Variants in DRD2 observed in about 807,000 individuals in gnomAD.
The protein encoded by DRD2 is dopamine receptor D2, also known as D(2) dopamine receptor.
Under a neutral mutation model 38.0 loss-of-function variants are expected in DRD2, and 8 were observed. The observed-to-expected ratio is 0.21, with a 90% CI of 0.12 to 0.38. The LOEUF (loss-of-function observed/expected upper bound fraction) is 0.38, where lower values mean the gene tolerates loss of function less well. DRD2 is among the 10% of genes least tolerant of loss of function. The pLI, the probability that DRD2 is intolerant of heterozygous loss-of-function variation, is 1.00. For synonymous variants in DRD2, 230 were observed against 238.6 expected, an observed-to-expected ratio of 0.96 and a Z score of 0.33; for missense variants, 403 against 607.7, an observed-to-expected ratio of 0.66 and a Z score of 3.54.
rs182611407 is a variant in DRD2, at chr11:113,413,259, T to C, written c.811-376A>G. Reference sequence around the variant, plus strand: ...TTGGCCCTGCCTCCAGAAACTCATGTTCCGACTGCAAAGAGGGTGCCCACC... The same window carrying C: ...TTGGCCCTGCCTCCAGAAACTCATGCTCCGACTGCAAAGAGGGTGCCCACC... On this transcript the variant is annotated intron_variant, in intron 6 of 7. Coordinates refer to ENST00000362072, the MANE Select transcript of DRD2 (RefSeq NM_000795.4). The C allele has an allele frequency of 1.1e-3, 620 of 582,384 alleles. 4 individuals carry two copies. The Admixed American group carries it at 0.012, about 11-fold the overall frequency. The allele number at this position is 582,384 out of a possible 1,614,324, so 36.1% of individuals were successfully genotyped here. A position where few individuals can be genotyped will look rare whatever the true frequency, so the allele number is the denominator to read the frequency against.
chr11:113,413,398 G>C, intron 6 of DRD2: 1 of 518,168 alleles, frequency 1.9e-6, no homozygotes, highest in Non-Finnish European at 3.8e-6. Context: ...GTGCCAAAAG[G>C]CTGACCCCTG....
At chr11:113,448,708 G>T (rs563220194) in intron 1 of DRD2, among the ~76,000 whole-genome samples, 20 of 152,128 alleles carry the variant, frequency 1.3e-4, no homozygotes, top group Non-Finnish European at 2.8e-4. Flanking sequence ...TTCCGAGAGG[G>T]GACTGGGGTC....
chr11:113,467,337 A>T (rs748863245), intron 1 of DRD2, among the ~76,000 whole-genome samples: 2 of 152,186 alleles, frequency 1.3e-5, no homozygotes, highest in Non-Finnish European at 1.5e-5. Context: ...TAGACCAAGA[A>T]AAAGGCCAAC....
chr11:113,474,390 C>T (rs1371281091), intron 1 of DRD2: 1 of 152,250 alleles, frequency 6.6e-6, no homozygotes, highest in Non-Finnish European at 1.5e-5. Context: ...GGTCACCCTC[C>T]GCTACTGCCG....
chr11:113,448,542 T>TG (rs1378721346), intron 1 of DRD2, among the ~76,000 whole-genome samples: 1 of 152,252 alleles, frequency 6.6e-6, no homozygotes, highest in Non-Finnish European at 1.5e-5. Context: ...GATGCTCTCT[T>TG]GACAGCAGTA....
At chr11:113,426,456 T>G (rs1950942351) in intron 1 of DRD2, among the ~76,000 whole-genome samples, 1 of 152,180 alleles carries the variant, frequency 6.6e-6, no homozygotes, top group South Asian at 2.1e-4. Flanking sequence ...TTATCAGCAT[T>G]CCAAGGTGTT....
In DRD2 at chr11:113,412,050, A is replaced by G. The variant is rs537466961; in HGVS notation, c.1138+506T>C. 2.4e-5 allele frequency: 4 copies of G among 166,026 alleles called. 1 individual carries two copies. The South Asian group carries it at 6.7e-4, about 28-fold the overall frequency. 10.3% of individuals were successfully genotyped at this position (166,026 alleles called of 1,614,324 possible). On this transcript the variant is annotated intron_variant, in intron 7 of 7. Transcript: ENST00000362072. Reference sequence around the variant, plus strand: ...CTCTGGTCCCATGGAGTCTTGTTTGAGTGCAAGTGAACTGAATTTCCCAAT... The same window carrying G: ...CTCTGGTCCCATGGAGTCTTGTTTGGGTGCAAGTGAACTGAATTTCCCAAT...
At chr11:113,467,570 T>C (rs1210067013) in intron 1 of DRD2, among the ~76,000 whole-genome samples, 1 of 152,234 alleles carries the variant, frequency 6.6e-6, no homozygotes, top group Non-Finnish European at 1.5e-5. Context: ...AAAAGTCACC[T>C]TGTCCTTGTA....
chr11:113,427,439 A>G (rs544287282), intron 1 of DRD2, among the ~76,000 whole-genome samples: 2 of 152,142 alleles, frequency 1.3e-5, no homozygotes, highest in African/African-American at 4.8e-5. Context: ...CCTGTTTAGG[A>G]GTCTCTTTTT....
At chr11:113,434,459 C>A (rs977195149) in intron 1 of DRD2, among the ~76,000 whole-genome samples, 1 of 152,180 alleles carries the variant, frequency 6.6e-6, no homozygotes, top group African/African-American at 2.4e-5. Flanking sequence ...TCCTGTTGAC[C>A]CTCTGGGTCC....
intron 1 of DRD2, among the ~76,000 whole-genome samples, chr11:113,448,926 G>A (rs1951182991): frequency 6.6e-6 from 1 of 152,138 alleles, no homozygotes; most frequent in Admixed American, 6.6e-5. Flanking sequence ...CTGCCTTCCT[G>A]ACCATCCTGC....
At chr11:113,452,833 G>T (rs1046794883) in intron 1 of DRD2, among the ~76,000 whole-genome samples, 1 of 151,358 alleles carries the variant, frequency 6.6e-6, no homozygotes, top group African/African-American at 2.4e-5. Flanking sequence ...TTTTTTTTTA[G>T]TAGAGACGGG....
At position 113,410,280 on chromosome 11, in the gene DRD2, C is replaced by A; in HGVS notation, c.*447G>T. ...CTCCTCGGCAAGAGAGCTTGCTTGC[C>A]TCCTGTGGGCCTTGCAGGGTGTGAA... On this transcript the variant is annotated 3_prime_UTR_variant, in exon 8 of 8. Coordinates refer to ENST00000362072, the MANE Select transcript of DRD2 (RefSeq NM_000795.4). 1 of 262,784 alleles carries A rather than the reference C, an allele frequency of 3.8e-6. No homozygotes were observed. Among genetic ancestry groups the A allele is most frequent in the Non-Finnish European group, 7.4e-6 (1 of 134,946 alleles). The allele number at this position is 262,784 out of a possible 1,614,324, so 16.3% of individuals were successfully genotyped here.
At chr11:113,455,118 G>A (rs1271279667) in intron 1 of DRD2, among the ~76,000 whole-genome samples, 1 of 152,346 alleles carries the variant, frequency 6.6e-6, no homozygotes, top group East Asian at 1.9e-4. Context: ...GGAGGCCGAA[G>A]TGGATGGATC....
chr11:113,452,402 G>A (rs1951217478), intron 1 of DRD2, among the ~76,000 whole-genome samples: 1 of 151,764 alleles, frequency 6.6e-6, no homozygotes, highest in Non-Finnish European at 1.5e-5. Flanking sequence ...TTTCCATGTT[G>A]AGGAGCAAGG....
rs1047083494 is a variant in DRD2 at position 113,475,276 on chromosome 11, C to A, written c.-232G>T. ...TCGGCCGGCTCTGGCCCGCGGGGAGCAGTGGACGGGCCGCGGCGGGGCGGG... is the reference window on the plus strand; with the variant it reads ...TCGGCCGGCTCTGGCCCGCGGGGAGAAGTGGACGGGCCGCGGCGGGGCGGG... On this transcript the variant is annotated 5_prime_UTR_variant, in exon 1 of 8. Transcript: ENST00000362072. 3 of 148,436 alleles carry A rather than the reference C, an allele frequency of 2.0e-5. No homozygotes were observed. The highest frequency in any genetic ancestry group is 4.5e-5 in the Non-Finnish European group (3 of 66,380). The allele number at this position is 148,436 out of a possible 1,614,324, so 9.2% of individuals were successfully genotyped here. A position where few individuals can be genotyped will look rare whatever the true frequency, so the allele number is the denominator to read the frequency against.
chr11:113,460,251 G>A (rs1218902963), intron 1 of DRD2, among the ~76,000 whole-genome samples: 7 of 152,198 alleles, frequency 4.6e-5, no homozygotes, highest in Non-Finnish European at 1.5e-5. Flanking sequence ...GCTGGCATTG[G>A]TGCCCTGCCC....
At chr11:113,435,345 G>A (rs1338124388) in intron 1 of DRD2, among the ~76,000 whole-genome samples, 1 of 151,036 alleles carries the variant, frequency 6.6e-6, no homozygotes, top group Non-Finnish European at 1.5e-5. Flanking sequence ...GGGGGTGGGG[G>A]AGAATGGCTC....
chr11:113,451,721 C>G (rs1310617221), intron 1 of DRD2, among the ~76,000 whole-genome samples: 2 of 152,078 alleles, frequency 1.3e-5, no homozygotes, highest in Non-Finnish European at 2.9e-5. Flanking sequence ...AACTCCTGAC[C>G]TTAAGTGATC....
Sources: allele counts gnomAD v4.1 joint callset (sites outside exome capture counted in the v4.1 genomes callset), GRCh38; gene constraint gnomAD v4.1.1; transcripts MANE v1.5; gene names NCBI Gene and HGNC (gene_info 2026-07-23, HGNC 2026-07-21).